ELF1: variants seen among roughly 807,000 people sequenced by gnomAD.
The protein encoded by ELF1 is ETS-related transcription factor Elf-1.
In ELF1, 24 loss-of-function variants were observed where a neutral mutation model predicts 59.9. The observed-to-expected ratio is 0.40, with a 90% CI of 0.29 to 0.56. The LOEUF (loss-of-function observed/expected upper bound fraction) is 0.56, where lower values mean the gene tolerates loss of function less well. ELF1 is among the 20% of genes least tolerant of loss of function. ELF1 has a pLI of 0.44. For synonymous variants in ELF1, 248 were observed against 266.2 expected (o/e 0.93, Z 0.67); for missense variants, 627 against 742.2 (o/e 0.84, Z 1.80).
chr13:41,033,877 T>A (rs1876269665), intron 1 of ELF1, among the ~76,000 whole-genome samples: 1 of 152,098 alleles, frequency 6.6e-6, no homozygotes, highest in African/African-American at 2.4e-5. Context: ...GGAGAACAGA[T>A]CAGTGGTTGC....
chr13:41,053,311 G>A (rs1753980982), intron 1 of ELF1, among the ~76,000 whole-genome samples: 2 of 151,944 alleles, frequency 1.3e-5, no homozygotes, highest in Non-Finnish European at 2.9e-5. Flanking sequence ...CCGAGATCAT[G>A]CTACTGCACT....
chr13:41,031,675 C>A (rs1256785329), intron 1 of ELF1, among the ~76,000 whole-genome samples: 1 of 151,656 alleles, frequency 6.6e-6, no homozygotes, highest in Non-Finnish European at 1.5e-5. Context: ...AAAAAATTAG[C>A]CAGGGGTGTT....
intron 2 of ELF1, among the ~76,000 whole-genome samples, chr13:40,959,852 A>G (rs780941614): frequency 6.6e-6 from 1 of 152,214 alleles, no homozygotes. Flanking sequence ...CATTTTATAG[A>G]TGAGGAAACT....
intron 1 of ELF1, among the ~76,000 whole-genome samples, chr13:40,997,455 A>C (rs971615919): frequency 6.6e-6 from 1 of 152,130 alleles, no homozygotes; most frequent in Non-Finnish European, 1.5e-5. Context: ...ACAGGGTTTC[A>C]CAATATTGGC....
chr13:41,049,976 A>C (rs1225511464), intron 1 of ELF1, among the ~76,000 whole-genome samples: 1 of 152,260 alleles, frequency 6.6e-6, no homozygotes. Context: ...AATAATGTGC[A>C]TAGAGTATCC....
intron 1 of ELF1, chr13:40,993,255 G>T: frequency 1.3e-6 from 2 of 1,580,404 alleles, no homozygotes; most frequent in Non-Finnish European, 1.7e-6. Flanking sequence ...AGCAACAGAT[G>T]TTGTTGGGCC....
chr13:40,970,798 G>A (rs1387182001), intron 2 of ELF1, among the ~76,000 whole-genome samples: 1 of 152,196 alleles, frequency 6.6e-6, no homozygotes, highest in Non-Finnish European at 1.5e-5. Flanking sequence ...GGATTCAAGT[G>A]TCTGGTCAAT....
chr13:41,041,110 A>G (rs1005090192), intron 1 of ELF1, among the ~76,000 whole-genome samples: 1 of 152,100 alleles, frequency 6.6e-6, no homozygotes, highest in Non-Finnish European at 1.5e-5. Flanking sequence ...AGAAAATTAT[A>G]GGCACAAACA....
chr13:40,975,073 A>G (rs1325099253), intron 2 of ELF1, among the ~76,000 whole-genome samples: 1 of 152,234 alleles, frequency 6.6e-6, no homozygotes, highest in African/African-American at 2.4e-5. Context: ...ATTTAAAAAG[A>G]AGGCAACCAA....
chr13:40,954,587 G>A lies in ELF1; in HGVS notation c.254-3151C>T, dbSNP rs1372406830. 3.9e-5 allele frequency among the ~76,000 whole-genome samples: 6 copies of A among 151,994 alleles called. No individual in the cohort carries two copies. In the South Asian group the frequency reaches 8.3e-4, roughly 21 times the overall value. ...CTCAGCCTGCCGAGTGCCTGCGATT[G>A]CAGGCGCGCGCCGCCACGCCTGACT... On this transcript the variant is annotated intron_variant, in intron 3 of 8. Coordinates refer to ENST00000239882, the MANE Select transcript of ELF1 (RefSeq NM_172373.4).
exon 1 of ELF1, chr13:41,060,934 C>CTG: frequency 2.7e-6 from 1 of 375,608 alleles, no homozygotes; most frequent in Non-Finnish European, 5.3e-6. Context: ...GCCGCCGCCG[C>CTG]CGCCGCCGCC....
chr13:41,038,201 G>A (rs1876463075), intron 1 of ELF1, among the ~76,000 whole-genome samples: 1 of 152,036 alleles, frequency 6.6e-6, no homozygotes, highest in South Asian at 2.1e-4. Context: ...TAATAAAAAT[G>A]GAATCAGGCC....
At chr13:41,006,532 A>C (rs1188319018) in intron 1 of ELF1, among the ~76,000 whole-genome samples, 1 of 152,324 alleles carries the variant, frequency 6.6e-6, no homozygotes, top group East Asian at 1.9e-4. Context: ...AAACACAGTT[A>C]ACGATGTGTA....
chr13:40,999,491 T>C (rs1593387524), intron 1 of ELF1, among the ~76,000 whole-genome samples: 4 of 152,240 alleles, frequency 2.6e-5, no homozygotes, highest in Middle Eastern at 3.4e-3. Context: ...GAGTTCACAA[T>C]GGGAAATAGA....
At chr13:40,992,026 GA>G (rs1212894832) in intron 1 of ELF1, among the ~76,000 whole-genome samples, 6 of 152,120 alleles carry the variant, frequency 3.9e-5, no homozygotes, top group African/African-American at 9.7e-5. Context: ...AAAAATAGGG[GA>G]AAGTGCATTA....
intron 3 of ELF1, among the ~76,000 whole-genome samples, chr13:40,955,907 T>G: frequency 1.9e-5 from 2 of 103,730 alleles, no homozygotes; most frequent in East Asian, 3.3e-4. Flanking sequence ...GGCGGGGAGG[T>G]CAGCCCCCCG....
At chr13:41,029,198 T>C (rs1312513653) in intron 1 of ELF1, among the ~76,000 whole-genome samples, 1 of 152,206 alleles carries the variant, frequency 6.6e-6, no homozygotes, top group East Asian at 1.9e-4. Context: ...TTCGTAATTG[T>C]CTCTATTCGG....
chr13:40,981,902 T>G, intron 2 of ELF1, 81 bp downstream of exon 2: 1 of 1,479,444 alleles, frequency 6.8e-7, no homozygotes, highest in Non-Finnish European at 9.1e-7. Flanking sequence ...TCTCATTGTC[T>G]TTTAAAGGAA....
intron 1 of ELF1, among the ~76,000 whole-genome samples, chr13:41,044,468 T>G (rs1322993941): frequency 6.6e-6 from 1 of 152,256 alleles, no homozygotes; most frequent in East Asian, 1.9e-4. Flanking sequence ...ATACGTCCCA[T>G]CAATACAGAA....
Sources: allele counts gnomAD v4.1 joint callset (sites outside exome capture counted in the v4.1 genomes callset), GRCh38; gene constraint gnomAD v4.1.1; transcripts MANE v1.5; gene names NCBI Gene and HGNC (gene_info 2026-07-23, HGNC 2026-07-21).